ROGDI: variants seen among roughly 807,000 people sequenced by gnomAD.
ROGDI encodes protein rogdi homolog.
ROGDI carries 46 observed loss-of-function variants against 43.1 expected under a neutral mutation model. The observed-to-expected ratio is 1.07, with a 90% CI of 0.84 to 1.37. The LOEUF (loss-of-function observed/expected upper bound fraction) is 1.37. Ranked by LOEUF, ROGDI falls within the 40% of genes most tolerant of loss-of-function variation. The pLI is 0.00. For synonymous variants in ROGDI, 243 were observed against 162.0 expected, an observed-to-expected ratio of 1.50 and a Z score of -3.80; for missense variants, 518 against 383.9, an observed-to-expected ratio of 1.35 and a Z score of -2.92.
At chr16:4,799,937 C>T (rs2082696400) in intron 5 of ROGDI, among the ~76,000 whole-genome samples, 156 bp from the exon 6 acceptor site, 1 of 152,162 alleles carries the variant, frequency 6.6e-6, no homozygotes. Flanking sequence ...GGGCATCTGG[C>T]ATCACCTGGG....
intron 2 of ROGDI, chr16:4,801,888 G>A: frequency 3.5e-6 from 2 of 574,070 alleles, no homozygotes; most frequent in South Asian, 3.8e-5. Flanking sequence ...GGCAGAGTCA[G>A]GGAACAAGGC....
At chr16:4,800,755 G>T (rs1258511856) in intron 4 of ROGDI, 177 bp from the exon 5 acceptor site, 3 of 595,100 alleles carry the variant, frequency 5.0e-6, no homozygotes, top group Non-Finnish European at 9.0e-6. Context: ...GGGAGGTCAG[G>T]AAACAGGAAA....
At chr16:4,799,661 G>T (rs200097213) in intron 6 of ROGDI, 25 bp downstream of exon 6, 28 of 1,571,048 alleles carry the variant, frequency 1.8e-5, no homozygotes, top group Non-Finnish European at 2.4e-5. Context: ...ACTAGGCCCA[G>T]GAGTCAGGCC....
intron 2 of ROGDI, chr16:4,802,035 G>A (rs1046181340): frequency 6.8e-6 from 4 of 586,384 alleles, no homozygotes; most frequent in East Asian, 3.8e-5. Flanking sequence ...ATGAGAAAAG[G>A]GAGGCCCAGG....
At chr16:4,802,141 C>G (rs1270271581) in intron 2 of ROGDI, 3 of 654,794 alleles carry the variant, frequency 4.6e-6, no homozygotes, top group Non-Finnish European at 8.5e-6. Context: ...CGGCCTTCCC[C>G]GACCCGAGGC....
At position 4,800,497 on chromosome 16, in the gene ROGDI, C is replaced by G. The variant is rs2082701653; in HGVS notation, c.336+1G>C. On this transcript the variant is annotated splice_donor_variant, in intron 5 of 10. Coordinates refer to ENST00000322048, the MANE Select transcript of ROGDI (RefSeq NM_024589.3). LOFTEE classifies it high-confidence loss of function. ...GCACTAGCCAGGAGGGGCGGGGTCACCTGCTGCAGCTTCCACTGCTTGTCC... is the reference window on the plus strand; with the variant it reads ...GCACTAGCCAGGAGGGGCGGGGTCAGCTGCTGCAGCTTCCACTGCTTGTCC... 1 of 1,553,760 alleles carries G rather than the reference C, an allele frequency of 6.4e-7. No individual in the cohort carries two copies. The highest frequency in any genetic ancestry group is 1.4e-5 in the African/African-American group (1 of 73,246).
rs1441536188 is a variant in ROGDI, at chr16:4,798,679, G to A, written c.433-12C>T. ...ACTGCGTCCATCAGCTGCAGGGAGA[G>A]GCGGGGTTGGCTCTGCGTCCTCCCG... On this transcript the variant is annotated splice_polypyrimidine_tract_variant and intron_variant, in intron 6 of 10. Transcript: ENST00000322048. 2.6e-6 allele frequency: 4 copies of A among 1,549,010 alleles called. No homozygotes were observed. In the Admixed American group the frequency reaches 5.9e-5, roughly 23 times the overall value.
At position 4,797,811 on chromosome 16, in the gene ROGDI, C is replaced by A. The variant is rs774473916; in HGVS notation, c.725G>T (p.Ser242Ile). 5 of 1,612,698 alleles carry A rather than the reference C, an allele frequency of 3.1e-6. No individual in the cohort carries two copies. The stretch of plus-strand genomic sequence containing the variant: ...CACGCACTCCACTTTGTGCACGTGG[C>A]TCACCTCCAGGCGCTGAGAGCCCCA... ...FEWGSQRLEV[S>I]HVHKVECVIP... is the part of the protein sequence containing the mutation. The change falls in exon 10 of 11, where the codon AGC becomes ATC. Residue 242 changes from serine (S) to isoleucine (I), a missense_variant. By Grantham distance (142) the Ser-to-Ile change is moderately radical. Coordinates refer to ENST00000322048, the MANE Select transcript of ROGDI (RefSeq NM_024589.3).
chr16:4,802,063 C>G lies in ROGDI; in HGVS notation c.117+319G>C, dbSNP rs181670331. The G allele has an allele frequency of 1.7e-3, 1,053 of 609,538 alleles. 2 individuals carry two copies. Among genetic ancestry groups the G allele is most frequent in the Non-Finnish European group, 2.7e-3 (883 of 326,130 alleles). 37.8% of individuals were successfully genotyped at this position (609,538 alleles called of 1,614,324 possible). On this transcript the variant is annotated intron_variant, in intron 2 of 10. Coordinates refer to ENST00000322048, the MANE Select transcript of ROGDI (RefSeq NM_024589.3). ...GGCCCAGGGAGGTTCAGTGACTTGGCTGAAGTCACACTGCCAGGCAGAGGC... is the reference window on the plus strand; with the variant it reads ...GGCCCAGGGAGGTTCAGTGACTTGGGTGAAGTCACACTGCCAGGCAGAGGC...
At chr16:4,797,900 G>C (rs763555346) in intron 9 of ROGDI, 38 bp downstream of exon 9, 1 of 1,602,322 alleles carries the variant, frequency 6.2e-7, no homozygotes, top group South Asian at 1.1e-5. Flanking sequence ...GGAGGGATGG[G>C]GTGGGCGTGC....
Position 4,797,152 on chromosome 16 carries a change from G to A in ROGDI, c.*308C>T, listed in dbSNP as rs1229319156. 2 of 333,156 alleles carry A rather than the reference G, an allele frequency of 6.0e-6. No individual in the cohort carries two copies. Among genetic ancestry groups the A allele is most frequent in the Non-Finnish European group, 5.6e-6 (1 of 178,206 alleles). The allele number at this position is 333,156 out of a possible 1,614,324, so 20.6% of individuals were successfully genotyped here. A position where few individuals can be genotyped will look rare whatever the true frequency, so the allele number is the denominator to read the frequency against. ...GGGGGAGGGGACAGCGAAGGGGAGA[G>A]GAGGGAGAGCCCTGCGCCTGGCCCT... On this transcript the variant is annotated 3_prime_UTR_variant, in exon 11 of 11. Transcript: ENST00000322048.
intron 2 of ROGDI, 154 bp from the exon 3 acceptor site, chr16:4,801,739 C>G: frequency 1.5e-6 from 1 of 679,518 alleles, no homozygotes; most frequent in Non-Finnish European, 2.5e-6. Context: ...AGACCCTGCC[C>G]AAGCCCCCAG....
Position 4,797,354 on chromosome 16 carries a change from T to A in ROGDI, c.*106A>T. ...GTGTTAGGTGGGGTAGGGGGTGGGATAGGGAGATAAATAGCAGCCTGGCGT... is the reference window on the plus strand; with the variant it reads ...GTGTTAGGTGGGGTAGGGGGTGGGAAAGGGAGATAAATAGCAGCCTGGCGT... On this transcript the variant is annotated 3_prime_UTR_variant, in exon 11 of 11. Transcript: ENST00000322048. 1 of 963,826 alleles carries A rather than the reference T, an allele frequency of 1.0e-6. No individual in the cohort carries two copies. The allele number at this position is 963,826 out of a possible 1,614,324, so 59.7% of individuals were successfully genotyped here. A position where few individuals can be genotyped will look rare whatever the true frequency, so the allele number is the denominator to read the frequency against.
chr16:4,799,837 G>GA, intron 5 of ROGDI, 56 bp from the exon 6 acceptor site: 3 of 1,274,568 alleles, frequency 2.4e-6, no homozygotes, highest in Non-Finnish European at 3.4e-6. Context: ...GCCAGGAGGG[G>GA]AGAGTGGGTG....
Position 4,798,660 on chromosome 16 carries a change from TC to T in ROGDI, c.439del (p.Asp147ThrfsTer3). 1 of 1,564,972 alleles carries T rather than the reference TC, an allele frequency of 6.4e-7. No homozygotes were observed. The stretch of plus-strand genomic sequence containing the variant: ...TCTGGTCAGCTGCAGCATCACTGCG[TC>T]CATCAGCTGCAGGGAGAGGCGGGGT... ...KTGAEVLKLM[D>X]AVMLQLTRAR... On this transcript the variant is annotated frameshift_variant, in exon 7 of 11. Coordinates refer to ENST00000322048, the MANE Select transcript of ROGDI (RefSeq NM_024589.3). LOFTEE classifies it high-confidence loss of function.
At chr16:4,797,691 G>A (rs2082668499) in intron 10 of ROGDI, 23 bp downstream of exon 10, 1 of 1,613,892 alleles carries the variant, frequency 6.2e-7, no homozygotes, top group Non-Finnish European at 8.5e-7. Flanking sequence ...TTCCCCTAAT[G>A]AAGGCGCTCG....
intron 7 of ROGDI, 150 bp downstream of exon 7, chr16:4,798,419 G>C: frequency 4.1e-6 from 3 of 724,426 alleles, no homozygotes; most frequent in East Asian, 5.4e-5. Flanking sequence ...GGCACAGGAC[G>C]GAAGCCAAGG....
intron 2 of ROGDI, 69 bp downstream of exon 2, chr16:4,802,313 C>T (rs1442398545): frequency 3.6e-6 from 5 of 1,384,372 alleles, no homozygotes; most frequent in Middle Eastern, 1.8e-4. Flanking sequence ...GCCGCGCGGC[C>T]CCAGGTGGAG....
rs1007861671 is a variant in ROGDI at position 4,800,924 on chromosome 16, C to A, written c.255+343G>T. 15 of 501,078 alleles carry A rather than the reference C, an allele frequency of 3.0e-5. 1 individual carries two copies. The South Asian group carries it at 4.3e-4, about 14-fold the overall frequency. The allele number at this position is 501,078 out of a possible 1,614,324, so 31.0% of individuals were successfully genotyped here. On this transcript the variant is annotated intron_variant, in intron 4 of 10. Coordinates refer to ENST00000322048, the MANE Select transcript of ROGDI (RefSeq NM_024589.3). ...AGCCCAGGAGGGGGGCCTCCCCCCA[C>A]GCCTTGGTGCCTGGCACAGAGTCGG...
Sources: gnomAD v4.1 joint callset for allele counts (sites outside exome capture counted in the v4.1 genomes callset) on GRCh38, gnomAD v4.1.1 for gene constraint, MANE v1.5 for transcripts, NCBI Gene and HGNC (gene_info 2026-07-23, HGNC 2026-07-21) for gene names.